Variants in RELN observed in about 807,000 individuals in gnomAD.
The protein encoded by RELN is reelin.
Under a neutral mutation model 427.6 loss-of-function variants are expected in RELN, and 108 were observed. The ratio of observed to expected loss-of-function variants is 0.25; its 90% CI spans 0.22 to 0.30. The LOEUF (loss-of-function observed/expected upper bound fraction) is 0.30. Ranked by LOEUF, RELN falls within the 10% of genes least tolerant of loss-of-function variation. The pLI, the probability that RELN is intolerant of heterozygous loss-of-function variation, is 1.00. For missense variants in RELN, 3,715 were observed against 4,302.8 expected (o/e 0.86, Z 3.82); for synonymous variants, 1,524 against 1,513.4 (o/e 1.01, Z -0.16).
intron 1 of RELN, among the ~76,000 whole-genome samples, chr7:103,921,227 T>C (rs1317286783): frequency 6.6e-6 from 1 of 152,150 alleles, no homozygotes; most frequent in Non-Finnish European, 1.5e-5. Context: ...TTAAAATAGA[T>C]CACCACTATG....
intron 2 of RELN, among the ~76,000 whole-genome samples, chr7:103,905,051 G>T (rs1213623456): frequency 7.6e-6 from 1 of 132,222 alleles, no homozygotes; most frequent in Non-Finnish European, 1.5e-5. Flanking sequence ...TGCAATCTCT[G>T]CTCACTGCAA....
At chr7:103,880,957 G>C (rs1223245963) in intron 2 of RELN, among the ~76,000 whole-genome samples, 1 of 152,092 alleles carries the variant, frequency 6.6e-6, no homozygotes, top group Admixed American at 6.5e-5. Flanking sequence ...TGGCTTCCAA[G>C]TGCTGGAGTT....
At chr7:103,613,159 G>T (rs1201485302) in intron 20 of RELN, among the ~76,000 whole-genome samples, 1 of 152,140 alleles carries the variant, frequency 6.6e-6, no homozygotes, top group Non-Finnish European at 1.5e-5. Flanking sequence ...CTTTTTAACA[G>T]ATGAGAAAAT....
chr7:103,706,574 C>T (rs1363823967), intron 8 of RELN, among the ~76,000 whole-genome samples: 1 of 151,996 alleles, frequency 6.6e-6, no homozygotes, highest in Non-Finnish European at 1.5e-5. Context: ...AGATATAAAC[C>T]CATGCTTTCG....
rs761569860 is a variant in RELN, at chr7:103,804,088, AT to A, written c.474-27462del. ...GACAGAGTCTTTATCACATCTAGGC[AT>A]TTCCTCATCTTGCAGAGGGAAAAAA... On this transcript the variant is annotated intron_variant, in intron 3 of 64. Coordinates refer to ENST00000428762, the MANE Select transcript of RELN (RefSeq NM_005045.4). Among the ~76,000 whole-genome samples, 4 of 152,184 alleles carry A rather than the reference AT, an allele frequency of 2.6e-5. No individual in the cohort carries two copies. The South Asian group carries it at 8.3e-4, about 32-fold the overall frequency.
At chr7:103,726,877 G>A (rs1182283251) in intron 7 of RELN, among the ~76,000 whole-genome samples, 2 of 152,048 alleles carry the variant, frequency 1.3e-5, no homozygotes, top group African/African-American at 4.8e-5. Context: ...CTTGTCTGCA[G>A]GAATATTATA....
chr7:103,815,320 C>G (rs1314345629), intron 3 of RELN, among the ~76,000 whole-genome samples: 1 of 152,154 alleles, frequency 6.6e-6, no homozygotes, highest in African/African-American at 2.4e-5. Flanking sequence ...CAGTTTTACT[C>G]TTTCCAGGCA....
intron 28 of RELN, among the ~76,000 whole-genome samples, chr7:103,583,746 T>C (rs1292476378): frequency 1.3e-5 from 2 of 152,140 alleles, no homozygotes. Flanking sequence ...ATGGCTGAGA[T>C]TGGCCAGGAA....
chr7:103,491,983 G>A lies in RELN; in HGVS notation c.9413C>T (p.Ser3138Phe), dbSNP rs1828688804. Residue 3138 changes from serine (S) to phenylalanine (F), a missense_variant, in exon 58 of 65, where the codon TCC (serine) becomes TTC (phenylalanine). Coordinates refer to ENST00000428762, the MANE Select transcript of RELN (RefSeq NM_005045.4). ...CEATSCGDLH[S>F]VMLEYTKDAR... is the part of the protein sequence containing the mutation. ...ATCCTTAGTGTATTCCAGCATTACGGAATGAAGGTCACCACAAGAAGTGGC... is the reference window on the plus strand; with the variant it reads ...ATCCTTAGTGTATTCCAGCATTACGAAATGAAGGTCACCACAAGAAGTGGC... 1 of 1,613,124 alleles carries A rather than the reference G, an allele frequency of 6.2e-7. No individual in the cohort carries two copies. The highest frequency in any genetic ancestry group is 8.5e-7 in the Non-Finnish European group (1 of 1,179,762).
At chr7:103,977,098 G>C (rs527362265) in intron 1 of RELN, among the ~76,000 whole-genome samples, 1 of 151,092 alleles carries the variant, frequency 6.6e-6, no homozygotes, top group Non-Finnish European at 1.5e-5. Flanking sequence ...ATCATTTGAG[G>C]TCAGGAGTTC....
At chr7:103,716,624 C>A (rs1428332928) in intron 8 of RELN, among the ~76,000 whole-genome samples, 1 of 152,078 alleles carries the variant, frequency 6.6e-6, no homozygotes, top group African/African-American at 2.4e-5. Context: ...AGTATGAAAT[C>A]CCTAACCTAA....
chr7:103,486,497 G>C (rs1268491449), intron 60 of RELN, 81 bp from the exon 61 acceptor site: 3 of 981,182 alleles, frequency 3.1e-6, no homozygotes, highest in Non-Finnish European at 3.1e-6. Context: ...TCAAGTTCAG[G>C]TTTAAGTAGT....
chr7:103,745,072 C>A (rs1317775563), intron 6 of RELN, among the ~76,000 whole-genome samples: 1 of 152,172 alleles, frequency 6.6e-6, no homozygotes, highest in Non-Finnish European at 1.5e-5. Flanking sequence ...CCACCATGAT[C>A]AAGTGGGCTT....
chr7:103,775,496 G>A lies in RELN; in HGVS notation c.544+1061C>T, dbSNP rs141648036. 1.8e-3 allele frequency among the ~76,000 whole-genome samples: 271 copies of A among 152,192 alleles called. 1 individual carries two copies. Among genetic ancestry groups the A allele is most frequent in the Non-Finnish European group, 3.4e-3 (228 of 67,982 alleles). On this transcript the variant is annotated intron_variant, in intron 4 of 64. Coordinates refer to ENST00000428762, the MANE Select transcript of RELN (RefSeq NM_005045.4). ...TATTTTCTTAGGTATCTCAAAAACC[G>A]ATATAATTTTTCCTCATTTCTCTTG... is the stretch of plus-strand genomic sequence containing the variant.
intron 1 of RELN, among the ~76,000 whole-genome samples, chr7:103,984,153 TAA>T (rs71519166): frequency 0.46 from 66,542 of 144,648 alleles, 14,984 homozygotes; most frequent in Non-Finnish European, 0.48. Context: ...TCCCAGGAGG[TAA>T]AAAAAAAAAA....
rs79296420 is a variant in RELN at position 103,875,689 on chromosome 7, G to C, written c.337+41386C>G. 4.0e-3 allele frequency among the ~76,000 whole-genome samples: 602 copies of C among 152,108 alleles called. 23 individuals are homozygous for C. In the East Asian group the frequency reaches 0.072, roughly 18 times the overall value. On this transcript the variant is annotated intron_variant, in intron 2 of 64. Coordinates refer to ENST00000428762, the MANE Select transcript of RELN (RefSeq NM_005045.4). ...CCACGGCAAAAGAAAATATACATAAGACTTAGGGATTTTTTTCAGGCATAG... is the reference window on the plus strand; with the variant it reads ...CCACGGCAAAAGAAAATATACATAACACTTAGGGATTTTTTTCAGGCATAG...
chr7:103,759,473 C>T (rs1252076992), intron 4 of RELN, among the ~76,000 whole-genome samples: 2 of 152,090 alleles, frequency 1.3e-5, no homozygotes, highest in Non-Finnish European at 2.9e-5. Context: ...AGAAAAAGTG[C>T]ATACTGATGC....
chr7:103,732,297 G>A (rs1293317540), intron 6 of RELN, among the ~76,000 whole-genome samples: 1 of 152,076 alleles, frequency 6.6e-6, no homozygotes, highest in African/African-American at 2.4e-5. Context: ...GCTAGTTTCT[G>A]GAAAGCTCAA....
chr7:103,556,340 T>TA (rs1830519597), intron 38 of RELN, among the ~76,000 whole-genome samples: 1 of 152,120 alleles, frequency 6.6e-6, no homozygotes. Context: ...GGATTATTTT[T>TA]AAAAATCTTT....
Sources: gnomAD v4.1 joint callset for allele counts (sites outside exome capture counted in the v4.1 genomes callset) on GRCh38, gnomAD v4.1.1 for gene constraint, MANE v1.5 for transcripts, NCBI Gene and HGNC (gene_info 2026-07-23, HGNC 2026-07-21) for gene names.